The following ZPLD1 variants were observed in gnomAD, a reference collection of about 807,000 sequenced individuals.
The protein encoded by ZPLD1 is zona pellucida-like domain-containing protein 1.
In ZPLD1, 34 loss-of-function variants were observed where a neutral mutation model predicts 47.2. That is an observed-to-expected ratio of 0.72 (90% CI 0.55 to 0.96). ZPLD1 has a LOEUF of 0.96. Among genes scored for constraint, ZPLD1 ranks in the 40% least tolerant of loss-of-function variants. The pLI is 0.00. For missense variants in ZPLD1, 512 were observed against 505.8 expected (o/e 1.01, Z -0.12); for synonymous variants, 176 against 186.2 (o/e 0.95, Z 0.45).
At chr3:102,468,468 C>T (rs1330520353) in intron 8 of ZPLD1, among the ~76,000 whole-genome samples, 1 of 152,048 alleles carries the variant, frequency 6.6e-6, no homozygotes, top group African/African-American at 2.4e-5. Context: ...AATGAGGAAG[C>T]TCTCTAAATA....
rs148971023 is a variant in ZPLD1, at chr3:102,425,241, A to G, written c.-9+7034A>G. ...GCAACTAGTTATGTATTTCTGGGTG[A>G]CATCTTTTGTATAAGTCTTTGGGTA... On this transcript the variant is annotated intron_variant, in intron 8 of 17. Coordinates refer to the ZPLD1 transcript ENST00000491959. 2.7e-3 allele frequency among the ~76,000 whole-genome samples: 416 copies of G among 152,240 alleles called. 1 individual carries two copies. The highest frequency in any genetic ancestry group is 9.5e-3 in the African/African-American group (396 of 41,552).
At chr3:102,396,938 C>T (rs1706564470) in intron 7 of ZPLD1, among the ~76,000 whole-genome samples, 1 of 152,100 alleles carries the variant, frequency 6.6e-6, no homozygotes, top group South Asian at 2.1e-4. Flanking sequence ...ATCCTCATTT[C>T]TAAAATGCAG....
intron 7 of ZPLD1, among the ~76,000 whole-genome samples, chr3:102,403,567 AAT>A (rs1169169393): frequency 6.6e-6 from 1 of 151,944 alleles, no homozygotes. Flanking sequence ...TAAGTGAGAA[AAT>A]ATTAATTTTT....
chr3:102,422,815 T>TTTG (rs145521663), intron 8 of ZPLD1, among the ~76,000 whole-genome samples: 21,650 of 151,766 alleles, frequency 0.14, 2,031 homozygotes, highest in Middle Eastern at 0.24. Context: ...ATAGGAACTT[T>TTTG]TTGTTGTTGT....
At chr3:102,449,566 G>T (rs1707306221) in intron 3 of ZPLD1, among the ~76,000 whole-genome samples, 1 of 152,100 alleles carries the variant, frequency 6.6e-6, no homozygotes, top group African/African-American at 2.4e-5. Flanking sequence ...TCATCCCTTT[G>T]TCCAGCTTAT....
At chr3:102,458,247 C>A (rs543727441) in intron 6 of ZPLD1, among the ~76,000 whole-genome samples, 4 of 152,070 alleles carry the variant, frequency 2.6e-5, no homozygotes, top group African/African-American at 9.6e-5. Context: ...TGGTGTTTCC[C>A]TTGGAGGCAT....
At chr3:102,459,501 T>C (rs919136108) in intron 6 of ZPLD1, among the ~76,000 whole-genome samples, 10 of 152,214 alleles carry the variant, frequency 6.6e-5, no homozygotes, top group African/African-American at 2.4e-4. Flanking sequence ...CTTTCTTTTA[T>C]CATTAAGAGA....
chr3:102,440,731 GAAAAAAAA>G (rs77649810), intron 3 of ZPLD1, among the ~76,000 whole-genome samples: 1 of 112,838 alleles, frequency 8.9e-6, no homozygotes, highest in East Asian at 2.5e-4. Flanking sequence ...TTGTGATTGG[GAAAAAAAA>G]AAAAAAAAAA....
At chr3:102,474,397 G>T (rs1024944019) in intron 10 of ZPLD1, among the ~76,000 whole-genome samples, 2 of 152,102 alleles carry the variant, frequency 1.3e-5, no homozygotes, top group South Asian at 4.1e-4. Context: ...GAGCATACTT[G>T]TTTGTCCCTT....
rs181894960 is a variant in ZPLD1 at position 102,478,050 on chromosome 3, C to A, written c.*432C>A. The stretch of plus-strand genomic sequence containing the variant: ...AATAAATGTTGCTTTTTGTTTTAAT[C>A]CGGATATTCCCAGCTTCAGGATGTG... On this transcript the variant is annotated 3_prime_UTR_variant, in exon 12 of 12. Transcript: ENST00000466937. The A allele has an allele frequency of 2.6e-5, 4 of 152,914 alleles. No individual in the cohort carries two copies. The highest frequency in any genetic ancestry group is 9.6e-5 in the African/African-American group (4 of 41,522). The allele number at this position is 152,914 out of a possible 1,614,324, so 9.5% of individuals were successfully genotyped here.
Position 102,395,652 on chromosome 3 carries a change from C to T in ZPLD1, c.-157+3427C>T, listed in dbSNP as rs748534702. ...AACAAATTTGTGTTGTTTTAAGCTA[C>T]GATATTTGGAGTAATTCGTAACAGA... is the stretch of plus-strand genomic sequence containing the variant. On this transcript the variant is annotated intron_variant, in intron 7 of 17. Coordinates refer to the ZPLD1 transcript ENST00000491959. Among the ~76,000 whole-genome samples, 10 of 152,200 alleles carry T rather than the reference C, an allele frequency of 6.6e-5. 1 individual carries two copies. Among genetic ancestry groups the T allele is most frequent in the South Asian group, 2.1e-4 (1 of 4,818 alleles).
intron 7 of ZPLD1, among the ~76,000 whole-genome samples, chr3:102,403,411 C>A (rs1392439344): frequency 6.6e-6 from 1 of 151,834 alleles, no homozygotes; most frequent in African/African-American, 2.4e-5. Flanking sequence ...CTTCTTGTAC[C>A]TCTTCAACAT....
intron 8 of ZPLD1, among the ~76,000 whole-genome samples, chr3:102,429,739 A>C: frequency 6.6e-6 from 1 of 152,206 alleles, no homozygotes; most frequent in East Asian, 1.9e-4. Flanking sequence ...CAAATGACTC[A>C]GTATCCACCA....
At chr3:102,461,259 A>G (rs1159324473) in intron 6 of ZPLD1, among the ~76,000 whole-genome samples, 1 of 152,028 alleles carries the variant, frequency 6.6e-6, no homozygotes, top group Non-Finnish European at 1.5e-5. Context: ...CAGAATTACT[A>G]AGTTTAGGGA....
chr3:102,407,602 G>A (rs890673030), intron 7 of ZPLD1, among the ~76,000 whole-genome samples: 24 of 150,694 alleles, frequency 1.6e-4, no homozygotes, highest in Admixed American at 4.7e-4. Flanking sequence ...TATTTGACTA[G>A]TATTTATTGA....
chr3:102,430,740 C>T (rs550780834), upstream of ZPLD1, among the ~76,000 whole-genome samples: 1 of 152,006 alleles, frequency 6.6e-6, no homozygotes, highest in African/African-American at 2.4e-5. Context: ...GGCATTTTGT[C>T]CCTTGTGATT....
intron 7 of ZPLD1, among the ~76,000 whole-genome samples, chr3:102,463,883 C>CAAAGAAAAA (rs1707547770): frequency 9.1e-6 from 1 of 110,210 alleles, no homozygotes; most frequent in African/African-American, 3.4e-5. Flanking sequence ...ATTAAAAATA[C>CAAAGAAAAA]AAAAAAAAAA....
At chr3:102,415,614 A>G (rs1706796587) in intron 7 of ZPLD1, among the ~76,000 whole-genome samples, 1 of 151,862 alleles carries the variant, frequency 6.6e-6, no homozygotes, top group East Asian at 1.9e-4. Flanking sequence ...TAAAGAAAAA[A>G]TGTAATCTGC....
At chr3:102,473,065 T>C (rs932076040) in intron 10 of ZPLD1, among the ~76,000 whole-genome samples, 6 of 152,066 alleles carry the variant, frequency 3.9e-5, no homozygotes, top group African/African-American at 1.4e-4. Flanking sequence ...TATAAAACCA[T>C]GAGATCTTGT....
Sources: allele counts gnomAD v4.1 joint callset (sites outside exome capture counted in the v4.1 genomes callset), GRCh38; gene constraint gnomAD v4.1.1; transcripts MANE v1.5; gene names NCBI Gene and HGNC (gene_info 2026-07-23, HGNC 2026-07-21).